Variants in BTBD16 observed in about 807,000 individuals in gnomAD.
BTBD16 encodes the protein BTB/POZ domain-containing protein 16.
In BTBD16, 66 loss-of-function variants were observed where a neutral mutation model predicts 67.4. The ratio of observed to expected loss-of-function variants is 0.98; its 90% CI spans 0.80 to 1.20. BTBD16 has a LOEUF of 1.20. BTBD16 is among the 50% of genes most tolerant of loss of function. The pLI is 0.00. For synonymous variants in BTBD16, 242 were observed against 236.4 expected, an observed-to-expected ratio of 1.02 and a Z score of -0.22; for missense variants, 634 against 616.0, an observed-to-expected ratio of 1.03 and a Z score of -0.31.
At chr10:122,279,063 C>T (rs910662869) in intron 3 of BTBD16, among the ~76,000 whole-genome samples, 3 of 152,204 alleles carry the variant, frequency 2.0e-5, no homozygotes, top group Non-Finnish European at 2.9e-5. Flanking sequence ...AAACACACTC[C>T]GTCTCCTTAT....
chr10:122,276,477 C>G (rs1210760662), intron 2 of BTBD16, among the ~76,000 whole-genome samples: 6 of 152,190 alleles, frequency 3.9e-5, no homozygotes, highest in Non-Finnish European at 7.3e-5. Flanking sequence ...TACTTAAAGC[C>G]TAATACTATC....
chr10:122,307,795 T>TC (rs2096406238), intron 10 of BTBD16, among the ~76,000 whole-genome samples: 1 of 152,204 alleles, frequency 6.6e-6, no homozygotes, highest in Non-Finnish European at 1.5e-5. Context: ...TAAAGATGCT[T>TC]CATTTCTTTT....
intron 9 of BTBD16, among the ~76,000 whole-genome samples, chr10:122,304,474 C>A (rs1414579399): frequency 6.6e-6 from 1 of 151,808 alleles, no homozygotes; most frequent in African/African-American, 2.4e-5. Flanking sequence ...CCATAGATAA[C>A]CATCAGAGGC....
At chr10:122,276,210 G>T (rs959735794) in intron 2 of BTBD16, among the ~76,000 whole-genome samples, 8 of 152,194 alleles carry the variant, frequency 5.3e-5, no homozygotes, top group Non-Finnish European at 1.2e-4. Context: ...TCCCGGGCTG[G>T]GGACATGGGA....
intron 10 of BTBD16, among the ~76,000 whole-genome samples, chr10:122,321,198 T>C (rs1489986787): frequency 6.6e-6 from 1 of 152,252 alleles, no homozygotes; most frequent in Non-Finnish European, 1.5e-5. Flanking sequence ...TATTTTTTAA[T>C]GGCTGTGTGG....
intron 3 of BTBD16, among the ~76,000 whole-genome samples, chr10:122,281,199 C>T (rs1298525722): frequency 2.6e-5 from 4 of 152,160 alleles, no homozygotes; most frequent in African/African-American, 9.7e-5. Context: ...AAGGGCGACA[C>T]CAGTTTGAGT....
Position 122,275,018 on chromosome 10 carries a change from C to G in BTBD16, c.-42-22C>G. 3 of 1,566,488 alleles carry G rather than the reference C, an allele frequency of 1.9e-6. No individual in the cohort carries two copies. The East Asian group carries it at 6.7e-5, about 35-fold the overall frequency. On this transcript the variant is annotated intron_variant, in intron 1 of 15. Coordinates refer to ENST00000260723, the MANE Select transcript of BTBD16 (RefSeq NM_144587.5). ...TTTTGAAAAGTATGGAAAATGTCAC[C>G]TTTACCTCTTTTGTCTTCTAGGTTG...
intron 7 of BTBD16, among the ~76,000 whole-genome samples, chr10:122,293,838 T>A (rs904966146): frequency 2.0e-5 from 3 of 152,196 alleles, no homozygotes. Flanking sequence ...AAGTGGGGCC[T>A]CTGGCCACCT....
intron 3 of BTBD16, among the ~76,000 whole-genome samples, chr10:122,278,425 TGAA>T (rs1329173409): frequency 6.6e-6 from 1 of 152,234 alleles, no homozygotes; most frequent in Non-Finnish European, 1.5e-5. Flanking sequence ...TTCTTCAAGA[TGAA>T]GAGTCATCTT....
intron 1 of BTBD16, among the ~76,000 whole-genome samples, chr10:122,272,979 A>G (rs2096332254): frequency 6.6e-6 from 1 of 152,136 alleles, no homozygotes; most frequent in Non-Finnish European, 1.5e-5. Flanking sequence ...TTCAAATTAA[A>G]GTAAGAATCT....
chr10:122,304,755 A>G (rs376002304), intron 9 of BTBD16, among the ~76,000 whole-genome samples: 17 of 152,034 alleles, frequency 1.1e-4, no homozygotes, highest in South Asian at 2.1e-4. Flanking sequence ...GGGTTTCATC[A>G]TGTTAGCCAA....
chr10:122,303,756 A>G (rs1302074290), intron 9 of BTBD16: 1 of 468,504 alleles, frequency 2.1e-6, no homozygotes, highest in Non-Finnish European at 2.8e-6. Context: ...GTAAACACAC[A>G]TGGTACAGCC....
intron 8 of BTBD16, 86 bp downstream of exon 8, chr10:122,297,923 A>G: frequency 1.7e-6 from 2 of 1,148,248 alleles, no homozygotes; most frequent in East Asian, 2.5e-5. Flanking sequence ...CACCAGGCCT[A>G]CTTCCCCCCA....
intron 10 of BTBD16, among the ~76,000 whole-genome samples, chr10:122,326,771 A>G (rs1225002304): frequency 6.6e-6 from 1 of 152,198 alleles, no homozygotes; most frequent in Admixed American, 6.5e-5. Flanking sequence ...TGTCTTCCCT[A>G]GAGGGGTCAT....
intron 3 of BTBD16, among the ~76,000 whole-genome samples, chr10:122,277,776 C>T (rs2096343976): frequency 6.6e-6 from 1 of 152,152 alleles, no homozygotes; most frequent in Non-Finnish European, 1.5e-5. Context: ...ACCAAAATGC[C>T]TCCCATTAGG....
chr10:122,281,193 G>A (rs2096352331), intron 3 of BTBD16, among the ~76,000 whole-genome samples: 2 of 152,164 alleles, frequency 1.3e-5, no homozygotes, highest in South Asian at 4.1e-4. Flanking sequence ...CATAACAAGG[G>A]CGACACCAGT....
chr10:122,286,283 A>G (rs1256763462), intron 5 of BTBD16, 35 bp downstream of exon 5: 1 of 1,577,868 alleles, frequency 6.3e-7, no homozygotes, highest in African/African-American at 1.4e-5. Context: ...CTGGAGCCCC[A>G]GTGCCCTCTA....
At chr10:122,286,956 GC>G (rs1317319749) in intron 5 of BTBD16, among the ~76,000 whole-genome samples, 1 of 152,162 alleles carries the variant, frequency 6.6e-6, no homozygotes, top group African/African-American at 2.4e-5. Flanking sequence ...GGCCCCCAAA[GC>G]CAGCCAGCAT....
At chr10:122,290,193 G>A (rs2096371373) in intron 6 of BTBD16, among the ~76,000 whole-genome samples, 195 bp downstream of exon 6, 1 of 152,204 alleles carries the variant, frequency 6.6e-6, no homozygotes, top group African/African-American at 2.4e-5. Context: ...ATGGAAGAAG[G>A]TGGAATGCTA....
Sources: allele counts gnomAD v4.1 joint callset (sites outside exome capture counted in the v4.1 genomes callset), GRCh38; gene constraint gnomAD v4.1.1; transcripts MANE v1.5; gene names NCBI Gene and HGNC (gene_info 2026-07-23, HGNC 2026-07-21).